The following CASKIN1 variants were observed in gnomAD, a reference collection of about 807,000 sequenced individuals.
CASKIN1 encodes the protein caskin-1.
A neutral mutation model predicts 117.5 loss-of-function variants in CASKIN1; 42 were observed. That is an observed-to-expected ratio of 0.36 (90% CI 0.28 to 0.46). CASKIN1 has a LOEUF of 0.46. Ranked by LOEUF, CASKIN1 falls within the 20% of genes least tolerant of loss-of-function variation. The probability of loss-of-function intolerance (pLI) is 1.00; values close to 1 mark genes in which losing one functional copy is unlikely to be tolerated. For synonymous variants in CASKIN1, 1,148 were observed against 961.7 expected, an observed-to-expected ratio of 1.19 and a Z score of -3.59; for missense variants, 2,083 against 2,077.3, an observed-to-expected ratio of 1.00 and a Z score of -0.05.
rs2093151316 is a variant in CASKIN1, at chr16:2,178,425, CGGAGT to C, written c.*120_*124del. The stretch of plus-strand genomic sequence containing the variant: ...GGCGCCCCGGCCCGGGTCCAGGGGC[CGGAGT>C]TGTGCTTCTGCAGGGCCCTGCCCGG... On this transcript the variant is annotated 3_prime_UTR_variant, in exon 20 of 20. Transcript: ENST00000343516. The C allele has an allele frequency of 1.5e-6, 1 of 666,832 alleles. No individual in the cohort carries two copies. The highest frequency in any genetic ancestry group is 4.3e-5 in the Admixed American group (1 of 23,384). The allele number at this position is 666,832 out of a possible 1,614,324, so 41.3% of individuals were successfully genotyped here.
In CASKIN1 at chr16:2,181,381, C is replaced by A. The variant is rs746622706; in HGVS notation, c.1987G>T (p.Ala663Ser). The A allele has an allele frequency of 1.3e-5, 21 of 1,609,430 alleles. No individual in the cohort carries two copies. Among genetic ancestry groups the A allele is most frequent in the Non-Finnish European group, 1.7e-5 (20 of 1,179,026 alleles). Residue 663 changes from alanine (A) to serine (S), a missense_variant, in exon 18 of 20, where the codon GCT (alanine) becomes TCT (serine). Transcript: ENST00000343516. ...ACCTCAGCCGGGCCAGTCATGGCAG[C>A]CTGCAGCTCGTCACTGAGCTCGCTG... ...QDSELSDELQ[A>S]AMTGPAEVGP...
rs753480551 is a variant in CASKIN1 at position 2,180,980 on chromosome 16, A to T, written c.2388T>A (p.Gly796=). 6.8e-7 allele frequency: 1 copy of T among 1,472,360 alleles called. No homozygotes were observed. Among genetic ancestry groups the T allele is most frequent in the East Asian group, 2.5e-5 (1 of 39,286 alleles). 91.2% of individuals were successfully genotyped at this position (1,472,360 alleles called of 1,614,324 possible). A position where few individuals can be genotyped will look rare whatever the true frequency, so the allele number is the denominator to read the frequency against. The change falls in exon 18 of 20, where the codon GGT becomes GGA. Residue 796 remains glycine, a synonymous_variant. Coordinates refer to ENST00000343516, the MANE Select transcript of CASKIN1 (RefSeq NM_020764.4). ...TCACCTTGGCCGTAGCTGGGGCTGG[A>T]CCATGAGGTCCCCCAAGGGCCTGGG... The part of the protein sequence containing the change: ...GSPQALGGPH[G]PAPATAKVKP...
rs764096334 is a variant in CASKIN1 at position 2,181,526 on chromosome 16, C to T, written c.1842G>A (p.Glu614=). 1 of 1,604,890 alleles carries T rather than the reference C, an allele frequency of 6.2e-7. No homozygotes were observed. Among genetic ancestry groups the T allele is most frequent in the African/African-American group, 1.3e-5 (1 of 74,966 alleles). The stretch of plus-strand genomic sequence containing the variant: ...GCGCCTTCCGGCGCAGGGGGCCCCC[C>T]TCATACTTGGCGTATTCAGCCTTCT... ...ELQKAEYAKY[E]GGPLRRKAPQ... is the part of the protein sequence containing the mutation. Residue 614 remains glutamate (E), a synonymous_variant, in exon 18 of 20, where the codon GAG becomes GAA. Coordinates refer to ENST00000343516, the MANE Select transcript of CASKIN1 (RefSeq NM_020764.4).
chr16:2,186,891 C>T (rs1401960276), intron 9 of CASKIN1, 67 bp from the exon 10 acceptor site: 2 of 1,603,286 alleles, frequency 1.2e-6, no homozygotes, highest in African/African-American at 2.7e-5. Flanking sequence ...CCCAGTGCCC[C>T]CCAGTTGCGG....
chr16:2,184,024 G>T, intron 14 of CASKIN1, 83 bp from the exon 15 acceptor site: 3 of 927,880 alleles, frequency 3.2e-6, no homozygotes, highest in South Asian at 1.6e-5. Context: ...TGCTTGGCCG[G>T]CCAGCCGTGC....
In CASKIN1 at chr16:2,178,404, C is replaced by T; in HGVS notation, c.*146G>A. ...CCGGCCAGGCGGTCCCCGGTGGGCG[C>T]CCCGGCCCGGGTCCAGGGGCCGGAG... On this transcript the variant is annotated 3_prime_UTR_variant, in exon 20 of 20. Transcript: ENST00000343516. The T allele has an allele frequency of 7.4e-6, 4 of 538,996 alleles. No homozygotes were observed. The South Asian group carries it at 1.1e-4, about 15-fold the overall frequency. The allele number at this position is 538,996 out of a possible 1,614,324, so 33.4% of individuals were successfully genotyped here. A position where few individuals can be genotyped will look rare whatever the true frequency, so the allele number is the denominator to read the frequency against.
chr16:2,183,243 C>G (rs1386329482), intron 16 of CASKIN1, among the ~76,000 whole-genome samples: 1 of 152,160 alleles, frequency 6.6e-6, no homozygotes, highest in Admixed American at 6.5e-5. Flanking sequence ...ACCTGCCAGG[C>G]GTGTGGCTGG....
In CASKIN1 at chr16:2,182,019, C is replaced by A; in HGVS notation, c.1630-90G>T. 1 of 1,569,746 alleles carries A rather than the reference C, an allele frequency of 6.4e-7. No homozygotes were observed. Among genetic ancestry groups the A allele is most frequent in the Non-Finnish European group, 8.7e-7 (1 of 1,150,044 alleles). ...AGCTGGAGGAGGAAGGGTCACCGGG[C>A]CAGCAGGGCACAGACAGACAGGAGG... On this transcript the variant is annotated intron_variant, in intron 16 of 19. Coordinates refer to ENST00000343516, the MANE Select transcript of CASKIN1 (RefSeq NM_020764.4). This position sits in a 1 kb window ranked among gnomAD's most constrained non-coding sequence, Gnocchi z 4.1.
chr16:2,196,543 T>TC lies in CASKIN1; in HGVS notation c.-112dup, dbSNP rs1359165306. 2.2e-4 allele frequency: 61 copies of TC among 276,340 alleles called. No homozygotes were observed. The East Asian group carries it at 4.9e-3, about 22-fold the overall frequency. The allele number at this position is 276,340 out of a possible 1,614,324, so 17.1% of individuals were successfully genotyped here. On this transcript the variant is annotated 5_prime_UTR_variant, in exon 1 of 20. Transcript: ENST00000343516. This position sits in a 1 kb window ranked among gnomAD's most constrained non-coding sequence, Gnocchi z 5.7. The stretch of plus-strand genomic sequence containing the variant: ...CTCCCCCGCCGCCTCCCCCGCCGCC[T>TC]CCTCGCCGCCCGCCGCCCCTTCGCC...
At position 2,179,136 on chromosome 16, in the gene CASKIN1, C is replaced by T. The variant is rs999055464; in HGVS notation, c.3965G>A (p.Gly1322Asp). The T allele has an allele frequency of 3.8e-5, 39 of 1,038,744 alleles. No individual in the cohort carries two copies. Among genetic ancestry groups the T allele is most frequent in the Non-Finnish European group, 4.5e-5 (39 of 865,878 alleles). 64.3% of individuals were successfully genotyped at this position (1,038,744 alleles called of 1,614,324 possible). A position where few individuals can be genotyped will look rare whatever the true frequency, so the allele number is the denominator to read the frequency against. ...AKPPGTPPSL[G>D]ASPAKPPSPG... The stretch of plus-strand genomic sequence containing the variant: ...GGACGGGGGCTTGGCGGGGCTGGCG[C>T]CCAGCGAGGGCGGCGTACCGGGCGG... Residue 1322 changes from glycine to aspartate, a missense_variant, in exon 19 of 20, where the codon GGC becomes GAC. Coordinates refer to ENST00000343516, the MANE Select transcript of CASKIN1 (RefSeq NM_020764.4). The surrounding 1 kb of genome is among the most constrained non-coding windows in gnomAD (Gnocchi z 5.8).
Position 2,182,008 on chromosome 16 carries a change from G to C in CASKIN1, c.1630-79C>G. On this transcript the variant is annotated intron_variant, in intron 16 of 19. Transcript: ENST00000343516. The surrounding 1 kb of genome is among the most constrained non-coding windows in gnomAD (Gnocchi z 4.1). Reference sequence around the variant, plus strand: ...CATCTACCTGGAGCTGGAGGAGGAAGGGTCACCGGGCCAGCAGGGCACAGA... The same window carrying C: ...CATCTACCTGGAGCTGGAGGAGGAACGGTCACCGGGCCAGCAGGGCACAGA... 1.3e-6 allele frequency: 2 copies of C among 1,589,704 alleles called. No homozygotes were observed. The highest frequency in any genetic ancestry group is 1.7e-6 in the Non-Finnish European group (2 of 1,164,232).
intron 9 of CASKIN1, 59 bp downstream of exon 9, chr16:2,186,919 G>A (rs1370728434): frequency 5.6e-6 from 9 of 1,603,178 alleles, no homozygotes; most frequent in Admixed American, 1.7e-5. Flanking sequence ...GTGTTCTGGG[G>A]TGCGCACGCC....
intron 1 of CASKIN1, among the ~76,000 whole-genome samples, chr16:2,191,022 G>A (rs929573118): frequency 6.6e-6 from 1 of 152,136 alleles, no homozygotes; most frequent in Non-Finnish European, 1.5e-5. Context: ...GGGCCCCAGC[G>A]TCCTCCTGGG....
chr16:2,189,706 AG>A (rs2093195557), intron 3 of CASKIN1, 142 bp from the exon 4 acceptor site: 1 of 825,660 alleles, frequency 1.2e-6, no homozygotes, highest in African/African-American at 1.8e-5. Context: ...TCTGACACCA[AG>A]CCCAACCCTT....
Position 2,181,272 on chromosome 16 carries a change from C to A in CASKIN1, c.2096G>T (p.Arg699Leu), listed in dbSNP as rs200142871. Residue 699 changes from arginine to leucine, a missense_variant, in exon 18 of 20, where the codon CGG becomes CTG. Around this residue, in one of 3 missense-constraint regions of CASKIN1, gnomAD observed 1,818 missense variants for 1,688.9 expected, o/e 1.08. Transcript: ENST00000343516. ...CTGCGAGCTGCTCATGTGCCGTGCC[C>A]GACCACCCAGGCTGGAGTCCTGCCG... is the stretch of plus-strand genomic sequence containing the variant. ...TTRQDSSLGG[R>L]ARHMSSSQEL... The A allele has an allele frequency of 1.2e-6, 2 of 1,600,948 alleles. No individual in the cohort carries two copies. Among genetic ancestry groups the A allele is most frequent in the African/African-American group, 1.3e-5 (1 of 74,784 alleles).
rs778807402 is a variant in CASKIN1 at position 2,178,651 on chromosome 16, G to C, written c.4200-5C>G. ...CTCTTTTCCGCCGCCGAGTCGCTGC[G>C]GGGCGCGGGGCAAGGGGCGTGAGTG... On this transcript the variant is annotated splice_region_variant and splice_polypyrimidine_tract_variant and intron_variant, in intron 19 of 19. Transcript: ENST00000343516. 2 of 1,584,852 alleles carry C rather than the reference G, an allele frequency of 1.3e-6. No homozygotes were observed. Among genetic ancestry groups the C allele is most frequent in the East Asian group, 2.3e-5 (1 of 42,968 alleles).
chr16:2,185,286 C>A (rs1302561766), intron 11 of CASKIN1, 21 bp downstream of exon 11: 1 of 1,594,882 alleles, frequency 6.3e-7, no homozygotes, highest in South Asian at 1.1e-5. Flanking sequence ...GCCACCTCTG[C>A]CCTTCAGGGA....
chr16:2,190,782 G>A (rs1335914605), intron 1 of CASKIN1, among the ~76,000 whole-genome samples: 1 of 152,224 alleles, frequency 6.6e-6, no homozygotes, highest in Non-Finnish European at 1.5e-5. Context: ...TGGGGCCGGG[G>A]GTGGCCAGGG....
Position 2,181,494 on chromosome 16 carries a change from GACTGGGGC to G in CASKIN1, c.1866_1873del (p.Pro623SerfsTer2). 6.2e-7 allele frequency: 1 copy of G among 1,611,224 alleles called. No individual in the cohort carries two copies. The highest frequency in any genetic ancestry group is 8.5e-7 in the Non-Finnish European group (1 of 1,179,706). On this transcript the variant is annotated frameshift_variant, in exon 18 of 20. Transcript: ENST00000343516. LOFTEE classifies it high-confidence loss of function. Reference sequence around the variant, plus strand: ...CGACTCGATGGCCATCACTTCAAGAGACTGGGGCGCCTTCCGGCGCAGGGGGCCCCCCT... The same window carrying G: ...CGACTCGATGGCCATCACTTCAAGAGGCCTTCCGGCGCAGGGGGCCCCCCT...
Sources: allele counts gnomAD v4.1 joint callset (sites outside exome capture counted in the v4.1 genomes callset), GRCh38; gene constraint gnomAD v4.1.1; regional missense constraint gnomAD v4.1.1; non-coding constraint Gnocchi (gnomAD v3.1); transcripts MANE v1.5; gene names NCBI Gene and HGNC (gene_info 2026-07-23, HGNC 2026-07-21).